MAN1A2: variants seen among roughly 807,000 people sequenced by gnomAD.
The protein encoded by MAN1A2 is mannosidase alpha class 1A member 2.
MAN1A2 carries 26 observed loss-of-function variants against 75.7 expected under a neutral mutation model. The ratio of observed to expected loss-of-function variants is 0.34; its 90% CI spans 0.25 to 0.48. MAN1A2 has a LOEUF of 0.48. Among genes scored for constraint, MAN1A2 ranks in the 20% least tolerant of loss-of-function variants. MAN1A2 has a pLI of 0.99. For missense variants in MAN1A2, 562 were observed against 775.5 expected, an observed-to-expected ratio of 0.72 and a Z score of 3.27; for synonymous variants, 247 against 264.6, an observed-to-expected ratio of 0.93 and a Z score of 0.65.
Position 117,405,622 on chromosome 1 carries a change from A to C in MAN1A2, c.632A>C (p.Lys211Thr). ...GHNELRPIAR[K>T]GHSPNIFGSS... ...AATGAACTCAGACCTATTGCAAGGA[A>C]AGGACACTCCCCTAACATATTTGGT... The change falls in exon 3 of 13, where the codon AAA becomes ACA. Residue 211 changes from lysine (K) to threonine (T), a missense_variant. Coordinates refer to ENST00000356554, the MANE Select transcript of MAN1A2 (RefSeq NM_006699.5). The C allele has an allele frequency of 6.3e-7, 1 of 1,598,320 alleles. No individual in the cohort carries two copies. The highest frequency in any genetic ancestry group is 8.6e-7 in the Non-Finnish European group (1 of 1,165,832).
At chr1:117,518,152 A>G (rs1464951630) in intron 12 of MAN1A2, among the ~76,000 whole-genome samples, 1 of 152,022 alleles carries the variant, frequency 6.6e-6, no homozygotes. Flanking sequence ...ATTATAAAGA[A>G]GCTCGTCTGA....
At chr1:117,480,536 C>T (rs1650463346) in intron 8 of MAN1A2, among the ~76,000 whole-genome samples, 1 of 151,746 alleles carries the variant, frequency 6.6e-6, no homozygotes, top group Non-Finnish European at 1.5e-5. Context: ...TAGCCAGAAG[C>T]ACTTTTTTAA....
At position 117,526,880 on chromosome 1, in the gene MAN1A2, C is replaced by CTCTCTCTATATATA; in HGVS notation, c.*3924_*3925insCTCTCTATATATAT. 2.6e-3 allele frequency: 139 copies of CTCTCTCTATATATA among 54,490 alleles called. No individual in the cohort carries two copies. The highest frequency in any genetic ancestry group is 3.6e-3 in the African/African-American group (44 of 12,280). The allele number at this position is 54,490 out of a possible 1,614,324, so 3.4% of individuals were successfully genotyped here. ...TCTCTCTCTCTCTCTCTCTCTCTCT[C>CTCTCTCTATATATA]TATATATATATATATATATATATAT... On this transcript the variant is annotated 3_prime_UTR_variant, in exon 13 of 13. Coordinates refer to ENST00000356554, the MANE Select transcript of MAN1A2 (RefSeq NM_006699.5).
At chr1:117,452,571 C>T (rs1382559870) in intron 6 of MAN1A2, among the ~76,000 whole-genome samples, 2 of 152,210 alleles carry the variant, frequency 1.3e-5, no homozygotes, top group African/African-American at 2.4e-5. Context: ...CTACAACATT[C>T]TCTTAAGCCA....
chr1:117,432,865 C>G (rs1041187058), intron 5 of MAN1A2, among the ~76,000 whole-genome samples: 1 of 147,926 alleles, frequency 6.8e-6, no homozygotes, highest in African/African-American at 2.5e-5. Context: ...TAAAGCATAG[C>G]TAGCAATAAT....
At chr1:117,369,704 G>T (rs1167214118) in intron 1 of MAN1A2, among the ~76,000 whole-genome samples, 2 of 151,942 alleles carry the variant, frequency 1.3e-5, no homozygotes, top group African/African-American at 4.8e-5. Flanking sequence ...TGCCATTTTC[G>T]ACTACTGTAC....
intron 12 of MAN1A2, among the ~76,000 whole-genome samples, chr1:117,505,500 T>G (rs1049597721): frequency 3.3e-5 from 5 of 151,122 alleles, no homozygotes; most frequent in African/African-American, 1.2e-4. Context: ...TAGATAGATA[T>G]ATTTGCTACA....
At chr1:117,396,349 T>G (rs1653904402) in intron 1 of MAN1A2, among the ~76,000 whole-genome samples, 1 of 152,236 alleles carries the variant, frequency 6.6e-6, no homozygotes, top group Non-Finnish European at 1.5e-5. Flanking sequence ...GTGAGACTTC[T>G]CTTTGGACAA....
At chr1:117,506,805 A>G (rs1270472465) in intron 12 of MAN1A2, among the ~76,000 whole-genome samples, 2 of 151,552 alleles carry the variant, frequency 1.3e-5, no homozygotes, top group Non-Finnish European at 3.0e-5. Context: ...GCTATAAAGT[A>G]GACCATGGGA....
intron 10 of MAN1A2, among the ~76,000 whole-genome samples, chr1:117,497,486 A>T (rs1651066878): frequency 6.6e-6 from 1 of 151,914 alleles, no homozygotes; most frequent in Admixed American, 6.6e-5. Flanking sequence ...AACTAAAAAG[A>T]TCCTCTGACA....
intron 11 of MAN1A2, among the ~76,000 whole-genome samples, chr1:117,499,940 ATTCT>A (rs1247479696): frequency 6.6e-6 from 1 of 151,564 alleles, no homozygotes; most frequent in African/African-American, 2.4e-5. Flanking sequence ...GGGTTGTTTT[ATTCT>A]TTGAGATTTA....
chr1:117,506,340 T>C (rs1168028963), intron 12 of MAN1A2, among the ~76,000 whole-genome samples: 1 of 151,578 alleles, frequency 6.6e-6, no homozygotes, highest in African/African-American at 2.4e-5. Context: ...ATTCTTGACG[T>C]AAGTTGAGGC....
chr1:117,402,486 TTTGGA>T, intron 2 of MAN1A2, 45 bp downstream of exon 2: 1 of 1,513,234 alleles, frequency 6.6e-7, no homozygotes, highest in East Asian at 2.3e-5. Context: ...TGGATTTGTA[TTTGGA>T]TACAAACAAA....
intron 5 of MAN1A2, among the ~76,000 whole-genome samples, chr1:117,432,268 G>A (rs1241848784): frequency 2.0e-5 from 3 of 151,684 alleles, no homozygotes; most frequent in Admixed American, 6.6e-5. Context: ...CATAATAATG[G>A]AATATTATAA....
chr1:117,436,606 A>G (rs544567723), intron 5 of MAN1A2, among the ~76,000 whole-genome samples: 92 of 152,336 alleles, frequency 6.0e-4, no homozygotes, highest in African/African-American at 1.6e-3. Flanking sequence ...TATAATCACA[A>G]TTGTGCTTGT....
intron 5 of MAN1A2, among the ~76,000 whole-genome samples, chr1:117,434,700 A>C (rs1031390420): frequency 1.3e-4 from 20 of 151,504 alleles, no homozygotes; most frequent in Non-Finnish European, 2.8e-4. Context: ...AATGTGCTTG[A>C]TGTATTCAGT....
intron 8 of MAN1A2, among the ~76,000 whole-genome samples, chr1:117,478,576 G>A (rs1650392544): frequency 6.6e-6 from 1 of 151,878 alleles, no homozygotes; most frequent in Non-Finnish European, 1.5e-5. Flanking sequence ...TTACATCTGT[G>A]AGACATTTTG....
intron 1 of MAN1A2, among the ~76,000 whole-genome samples, chr1:117,383,726 A>G (rs1653428710): frequency 6.6e-6 from 1 of 151,900 alleles, no homozygotes; most frequent in Non-Finnish European, 1.5e-5. Context: ...TTGGTGAATA[A>G]TTGTTTATCA....
intron 1 of MAN1A2, among the ~76,000 whole-genome samples, chr1:117,370,801 C>T (rs1652936457): frequency 6.7e-6 from 1 of 149,688 alleles, no homozygotes; most frequent in South Asian, 2.1e-4. Context: ...AGGAATGTTA[C>T]TTTAACTAAT....
Sources: allele counts gnomAD v4.1 joint callset (sites outside exome capture counted in the v4.1 genomes callset), GRCh38; gene constraint gnomAD v4.1.1; transcripts MANE v1.5; gene names NCBI Gene and HGNC (gene_info 2026-07-23, HGNC 2026-07-21).